ZNF577: variants seen among roughly 807,000 people sequenced by gnomAD.
ZNF577 encodes the protein zinc finger protein 577.
Under a neutral mutation model 13.9 loss-of-function variants are expected in ZNF577, and 14 were observed. The ratio of observed to expected loss-of-function variants is 1.00; its 90% confidence interval spans 0.66 to 1.57. The LOEUF is 1.57. ZNF577 is among the 40% of genes most tolerant of loss of function. The pLI, the probability that ZNF577 is intolerant of heterozygous loss-of-function variation, is 0.00. For missense variants in ZNF577, 555 were observed against 579.2 expected, an observed-to-expected ratio of 0.96 and a Z score of 0.43; for synonymous variants, 203 against 202.9, an observed-to-expected ratio of 1.00 and a Z score of 0.00.
chr19:51,854,021 T>C (rs1168208967), intron 5 of ZNF577, among the ~76,000 whole-genome samples: 3 of 151,556 alleles, frequency 2.0e-5, no homozygotes, highest in Admixed American at 6.6e-5. Context: ...ATGTGATGTA[T>C]GTAAGGGTCT....
intron 8 of ZNF577, chr19:51,840,530 G>C (rs1286774303): frequency 6.6e-6 from 1 of 152,222 alleles, no homozygotes; most frequent in East Asian, 1.9e-4. Context: ...TGGGATTGTG[G>C]AGAGAGACCT....
chr19:51,854,650 A>G (rs1469303675), intron 5 of ZNF577, among the ~76,000 whole-genome samples: 6 of 151,764 alleles, frequency 4.0e-5, no homozygotes, highest in Admixed American at 3.3e-4. Flanking sequence ...GAATTTATTG[A>G]CCTTCTCAGA....
intron 10 of ZNF577, among the ~76,000 whole-genome samples, chr19:51,806,540 T>C (rs1411518579): frequency 1.3e-5 from 2 of 152,228 alleles, no homozygotes; most frequent in East Asian, 1.9e-4. Context: ...ACCCCCTTTT[T>C]GTCTTTTCAA....
chr19:51,865,118 C>T (rs763851312), downstream of ZNF577, among the ~76,000 whole-genome samples: 12 of 151,898 alleles, frequency 7.9e-5, no homozygotes, highest in Admixed American at 7.2e-4. Flanking sequence ...TTTCTTGAGA[C>T]GGAGTTTCGC....
intron 9 of ZNF577, among the ~76,000 whole-genome samples, chr19:51,814,288 G>C (rs778319821): frequency 6.6e-6 from 1 of 152,158 alleles, no homozygotes; most frequent in Non-Finnish European, 1.5e-5. Flanking sequence ...CTCCGATTTA[G>C]ACCTTTAACT....
At chr19:51,826,259 G>C (rs1275526945) in intron 9 of ZNF577, 1 of 152,172 alleles carries the variant, frequency 6.6e-6, no homozygotes, top group African/African-American at 2.4e-5. Flanking sequence ...TTTATGTAGA[G>C]ATGGCTCTGT....
At chr19:51,831,059 T>A (rs1050145676) in intron 9 of ZNF577, among the ~76,000 whole-genome samples, 2 of 152,208 alleles carry the variant, frequency 1.3e-5, no homozygotes, top group Non-Finnish European at 2.9e-5. Context: ...GGAAAAGTCA[T>A]CACACTCTAC....
rs2084580135 is a variant in ZNF577 at position 51,867,313 on chromosome 19, A to G, written c.*5219T>C. ...TCGTTTTTTTCTTCGGTTCTTAGGA[A>G]AAGGATATCATTTCTAAGGTATGAT... On this transcript the variant is annotated 3_prime_UTR_variant, in exon 6 of 6. Transcript: ENST00000638348. Among the ~76,000 whole-genome samples, 1 of 152,198 alleles carries G rather than the reference A, an allele frequency of 6.6e-6. No individual in the cohort carries two copies. Among genetic ancestry groups the G allele is most frequent in the Non-Finnish European group, 1.5e-5 (1 of 68,036 alleles).
rs2084958260 is a variant in ZNF577 at position 51,887,097 on chromosome 19, T to C, written c.-495A>G. 6.6e-6 allele frequency: 1 copy of C among 152,166 alleles called. No individual in the cohort carries two copies. The highest frequency in any genetic ancestry group is 2.4e-5 in the African/African-American group (1 of 41,444). 9.4% of individuals were successfully genotyped at this position (152,166 alleles called of 1,614,324 possible). ...GATTTACAACAAAAAGTATTAACTA[T>C]GTAGAAATAAGCATAACCAGAAATG... On this transcript the variant is annotated 5_prime_UTR_variant, in exon 1 of 6. Transcript: ENST00000638348.
chr19:51,842,139 T>C (rs575592534), intron 8 of ZNF577, among the ~76,000 whole-genome samples: 1 of 152,266 alleles, frequency 6.6e-6, no homozygotes, highest in African/African-American at 2.4e-5. Context: ...TGGTTGTATC[T>C]AATAGGCTGC....
At position 51,879,396 on chromosome 19, in the gene ZNF577, C is replaced by T. The variant is rs141874127; in HGVS notation, c.61-881G>A. Reference sequence around the variant, plus strand: ...CAGCCTGGCCAACATGGTGAAACCCCCATCTCTACTAAAAATACAAAAATT... The same window carrying T: ...CAGCCTGGCCAACATGGTGAAACCCTCATCTCTACTAAAAATACAAAAATT... On this transcript the variant is annotated intron_variant, in intron 3 of 5. Coordinates refer to ENST00000638348, the MANE Select transcript of ZNF577 (RefSeq NM_001370449.1). Among the ~76,000 whole-genome samples the T allele has an allele frequency of 3.9e-3, 591 of 152,150 alleles. 4 individuals carry two copies. Among genetic ancestry groups the T allele is most frequent in the African/African-American group, 0.014 (575 of 41,510 alleles).
chr19:51,846,384 G>A (rs1419511821), intron 5 of ZNF577, among the ~76,000 whole-genome samples: 1 of 152,070 alleles, frequency 6.6e-6, no homozygotes, highest in Non-Finnish European at 1.5e-5. Flanking sequence ...CATGAGGGTG[G>A]GCCTTCAATA....
chr19:51,829,084 C>A (rs1279827877), intron 9 of ZNF577, among the ~76,000 whole-genome samples: 1 of 152,144 alleles, frequency 6.6e-6, no homozygotes, highest in African/African-American at 2.4e-5. Flanking sequence ...AAGTCCTGGT[C>A]TCCAGCCAGA....
At chr19:51,837,226 CCTATCACCTATGTTG>C (rs150525998) in intron 9 of ZNF577, among the ~76,000 whole-genome samples, 58,423 of 151,568 alleles carry the variant, frequency 0.39, 11,484 homozygotes, top group South Asian at 0.48. Context: ...GCCCAGGTTC[CCTATCACCTATGTTG>C]CTATCACCTA....
intron 5 of ZNF577, chr19:51,861,397 C>G (rs2084500694): frequency 6.4e-6 from 1 of 156,578 alleles, no homozygotes; most frequent in Non-Finnish European, 1.4e-5. Context: ...TCCCAAAGTG[C>G]TGAGATAACA....
At chr19:51,876,177 A>G (rs2084758724) in intron 5 of ZNF577, among the ~76,000 whole-genome samples, 4 of 152,224 alleles carry the variant, frequency 2.6e-5, no homozygotes, top group Admixed American at 1.3e-4. Flanking sequence ...AGATATCTGC[A>G]TGAAGCTATT....
At chr19:51,835,817 T>C (rs1490518730) in intron 9 of ZNF577, among the ~76,000 whole-genome samples, 1 of 152,146 alleles carries the variant, frequency 6.6e-6, no homozygotes, top group Non-Finnish European at 1.5e-5. Flanking sequence ...CTCAGCCTCC[T>C]GAGTAGCTCG....
chr19:51,845,638 C>T (rs1044954002), intron 5 of ZNF577, among the ~76,000 whole-genome samples: 26 of 152,162 alleles, frequency 1.7e-4, no homozygotes, highest in Non-Finnish European at 2.8e-4. Flanking sequence ...CCTCTCCCTC[C>T]CCCAGCCTTG....
At chr19:51,828,880 C>T (rs1432564503) in intron 9 of ZNF577, among the ~76,000 whole-genome samples, 1 of 152,132 alleles carries the variant, frequency 6.6e-6, no homozygotes, top group Admixed American at 6.5e-5. Context: ...AGCCTTCAGG[C>T]TCCCCTGCAG....
Sources: allele counts gnomAD v4.1 joint callset (sites outside exome capture counted in the v4.1 genomes callset), GRCh38; gene constraint gnomAD v4.1.1; transcripts MANE v1.5; gene names NCBI Gene and HGNC (gene_info 2026-07-23, HGNC 2026-07-21).